KIRREL3: variants seen among roughly 807,000 people sequenced by gnomAD.
KIRREL3 encodes the protein kin of IRRE-like protein 3.
A neutral mutation model predicts 89.7 loss-of-function variants in KIRREL3; 36 were observed. That is an observed-to-expected ratio of 0.40 (90% CI 0.31 to 0.53). The LOEUF (loss-of-function observed/expected upper bound fraction) is 0.53. Ranked by LOEUF, KIRREL3 falls within the 20% of genes least tolerant of loss-of-function variation. The pLI is 0.49. For synonymous variants in KIRREL3, 445 were observed against 441.4 expected (o/e 1.01, Z -0.10); for missense variants, 864 against 1,056.6 (o/e 0.82, Z 2.53).
chr11:126,975,356 C>A (rs1446315432), intron 1 of KIRREL3, among the ~76,000 whole-genome samples: 1 of 152,120 alleles, frequency 6.6e-6, no homozygotes, highest in East Asian at 1.9e-4. Flanking sequence ...CCCACAAGGC[C>A]CACTTACTTC....
At chr11:126,784,642 T>A (rs1414703059) in intron 1 of KIRREL3, among the ~76,000 whole-genome samples, 3 of 151,544 alleles carry the variant, frequency 2.0e-5, no homozygotes, top group Non-Finnish European at 2.9e-5. Context: ...GTGCTAGGAA[T>A]GAACATAGCC....
chr11:126,556,478 G>A (rs984441864), intron 2 of KIRREL3, among the ~76,000 whole-genome samples: 21 of 151,966 alleles, frequency 1.4e-4, no homozygotes, highest in African/African-American at 4.8e-4. Flanking sequence ...CTGTCTCTAC[G>A]AAAATTTAAA....
rs1215085631 is a variant in KIRREL3, at chr11:126,551,492, A to G, written c.133+11343T>C. On this transcript the variant is annotated intron_variant, in intron 2 of 16. Coordinates refer to ENST00000525144, the MANE Select transcript of KIRREL3 (RefSeq NM_032531.4). This position sits in a 1 kb window ranked among gnomAD's most constrained non-coding sequence, Gnocchi z 4.9. ...ATCCCCCCACCCCATGCGCCTCTAT[A>G]TAGAAACATGTCTAGATACATCATC... Among the ~76,000 whole-genome samples the G allele has an allele frequency of 1.3e-5, 2 of 152,110 alleles. No individual in the cohort carries two copies. The highest frequency in any genetic ancestry group is 2.9e-5 in the Non-Finnish European group (2 of 68,020).
intron 10 of KIRREL3, among the ~76,000 whole-genome samples, chr11:126,442,210 G>A (rs1355629988): frequency 2.7e-5 from 4 of 147,156 alleles, no homozygotes; most frequent in Non-Finnish European, 4.5e-5. Flanking sequence ...GCAGTGAGCC[G>A]AGATTGCGCC....
chr11:126,582,809 G>A (rs1450372381), intron 1 of KIRREL3, among the ~76,000 whole-genome samples: 1 of 99,986 alleles, frequency 1.0e-5, no homozygotes, highest in Non-Finnish European at 2.2e-5. Context: ...CAACACTGAC[G>A]TATTGAAGAA....
chr11:126,616,227 G>A (rs1250273043), intron 1 of KIRREL3, among the ~76,000 whole-genome samples: 2 of 152,180 alleles, frequency 1.3e-5, no homozygotes, highest in Non-Finnish European at 2.9e-5. Flanking sequence ...GGCTGAAATG[G>A]TGGCTTGGGA....
intron 2 of KIRREL3, among the ~76,000 whole-genome samples, chr11:126,552,247 T>A (rs2134539414): frequency 6.6e-6 from 1 of 152,342 alleles, no homozygotes; most frequent in South Asian, 2.1e-4. Context: ...AGATGGCTGC[T>A]GGCAGCACTA....
In KIRREL3 at chr11:126,579,181, A is replaced by G. The variant is rs117619398; in HGVS notation, c.56-16269T>C. 5.7e-3 allele frequency among the ~76,000 whole-genome samples: 873 copies of G among 152,262 alleles called. 43 individuals are homozygous for G. In the East Asian group the frequency reaches 0.083, roughly 14 times the overall value. Reference sequence around the variant, plus strand: ...ATCCTGGAGGATGAACGGGTCGTCTAAAACAGATGACGCTGGTGCGGGCCC... The same window carrying G: ...ATCCTGGAGGATGAACGGGTCGTCTGAAACAGATGACGCTGGTGCGGGCCC... On this transcript the variant is annotated intron_variant, in intron 1 of 16. Coordinates refer to ENST00000525144, the MANE Select transcript of KIRREL3 (RefSeq NM_032531.4). The surrounding 1 kb of genome is among the most constrained non-coding windows in gnomAD (Gnocchi z 5.3).
chr11:126,532,015 G>A lies in KIRREL3; in HGVS notation c.134-5328C>T, dbSNP rs112304112. Reference sequence around the variant, plus strand: ...CAGGAGAAAGGTGAGAAATCACAGGGTGGGCTGGAGTCTCTAGGAATCAGG... The same window carrying A: ...CAGGAGAAAGGTGAGAAATCACAGGATGGGCTGGAGTCTCTAGGAATCAGG... On this transcript the variant is annotated intron_variant, in intron 2 of 16. Transcript: ENST00000525144. Among the ~76,000 whole-genome samples, 985 of 152,324 alleles carry A rather than the reference G, an allele frequency of 6.5e-3. 4 individuals are homozygous for A. The highest frequency in any genetic ancestry group is 0.02 in the Middle Eastern group (6 of 294).
intron 5 of KIRREL3, among the ~76,000 whole-genome samples, chr11:126,467,100 G>A (rs530822120): frequency 2.2e-4 from 34 of 152,364 alleles, no homozygotes; most frequent in Non-Finnish European, 4.0e-4. Context: ...GCGTGCCAGG[G>A]CATACACCCC....
intron 4 of KIRREL3, among the ~76,000 whole-genome samples, chr11:126,504,732 A>G (rs1957969954): frequency 6.6e-6 from 1 of 152,254 alleles, no homozygotes; most frequent in African/African-American, 2.4e-5. Flanking sequence ...ATTGTCCATC[A>G]TGAATTTAGA....
chr11:126,517,455 C>T (rs755113389), intron 4 of KIRREL3, among the ~76,000 whole-genome samples: 11 of 152,026 alleles, frequency 7.2e-5, no homozygotes, highest in South Asian at 2.1e-4. Flanking sequence ...ACTGAGTCTT[C>T]GGAGAGGGCT....
chr11:126,998,952 T>A (rs1461294194), intron 1 of KIRREL3, among the ~76,000 whole-genome samples: 1 of 135,522 alleles, frequency 7.4e-6, no homozygotes, highest in African/African-American at 2.9e-5. Context: ...TGTGTGTGTG[T>A]GTGTGCTCAT....
chr11:126,887,237 G>C (rs1193336145), intron 1 of KIRREL3, among the ~76,000 whole-genome samples: 2 of 152,160 alleles, frequency 1.3e-5, no homozygotes, highest in African/African-American at 4.8e-5. Flanking sequence ...CAAAGCTCCT[G>C]ATAATTGCCC....
In KIRREL3 at chr11:126,736,799, C is replaced by T. The variant is rs569749303; in HGVS notation, c.56-173887G>A. Among the ~76,000 whole-genome samples, 80 of 152,264 alleles carry T rather than the reference C, an allele frequency of 5.3e-4. No homozygotes were observed. The highest frequency in any genetic ancestry group is 1.8e-3 in the African/African-American group (75 of 41,538). On this transcript the variant is annotated intron_variant, in intron 1 of 16. Transcript: ENST00000525144. This position sits in a 1 kb window ranked among gnomAD's most constrained non-coding sequence, Gnocchi z 5.0. ...TAAGGTTAAAGGTCATGCTAATGTCCATGGACAAAGGCTGCTGGGAATCAC... is the reference window on the plus strand; with the variant it reads ...TAAGGTTAAAGGTCATGCTAATGTCTATGGACAAAGGCTGCTGGGAATCAC...
At chr11:126,482,017 C>T (rs1179589103) in intron 4 of KIRREL3, among the ~76,000 whole-genome samples, 1 of 152,200 alleles carries the variant, frequency 6.6e-6, no homozygotes, top group African/African-American at 2.4e-5. Flanking sequence ...CGCTTTTCCC[C>T]AATTGCCCCT....
At position 126,611,914 on chromosome 11, in the gene KIRREL3, G is replaced by A. The variant is rs543996903; in HGVS notation, c.56-49002C>T. Among the ~76,000 whole-genome samples the A allele has an allele frequency of 1.2e-4, 19 of 152,310 alleles. No homozygotes were observed. The highest frequency in any genetic ancestry group is 4.6e-4 in the African/African-American group (19 of 41,560). On this transcript the variant is annotated intron_variant, in intron 1 of 16. Transcript: ENST00000525144. The surrounding 1 kb of genome is among the most constrained non-coding windows in gnomAD (Gnocchi z 4.7). ...TGCCGATGCCCTCTGTCCTTCTCTG[G>A]TGACTTTGTCCACGTGGATCTTCAG... is the stretch of plus-strand genomic sequence containing the variant.
rs900625868 is a variant in KIRREL3 at position 127,000,640 on chromosome 11, C to G, written c.-131G>C. The G allele has an allele frequency of 2.3e-6, 2 of 883,980 alleles. No individual in the cohort carries two copies. The highest frequency in any genetic ancestry group is 3.4e-5 in the African/African-American group (2 of 58,564). 54.8% of individuals were successfully genotyped at this position (883,980 alleles called of 1,614,324 possible). A position where few individuals can be genotyped will look rare whatever the true frequency, so the allele number is the denominator to read the frequency against. ...GCCTACCATCTGTCCGTCCGTGGGT[C>G]CCTCCGGGTGGCTTCGGTCTCTTTG... On this transcript the variant is annotated 5_prime_UTR_variant, in exon 1 of 17. Coordinates refer to ENST00000525144, the MANE Select transcript of KIRREL3 (RefSeq NM_032531.4). The surrounding 1 kb of genome is among the most constrained non-coding windows in gnomAD (Gnocchi z 7.1).
chr11:126,540,110 G>T (rs1591704289), intron 2 of KIRREL3, among the ~76,000 whole-genome samples: 1 of 152,118 alleles, frequency 6.6e-6, no homozygotes, highest in Non-Finnish European at 1.5e-5. Flanking sequence ...ACCAGGCAGG[G>T]GTAGAAGACA....
Sources: gnomAD v4.1 joint callset for allele counts (sites outside exome capture counted in the v4.1 genomes callset) on GRCh38, gnomAD v4.1.1 for gene constraint, Gnocchi (gnomAD v3.1) non-coding constraint, MANE v1.5 for transcripts, NCBI Gene and HGNC (gene_info 2026-07-23, HGNC 2026-07-21) for gene names.